Variants in NAALADL2 observed in about 807,000 individuals in gnomAD.
NAALADL2 encodes inactive N-acetylated-alpha-linked acidic dipeptidase-like protein 2.
Under a neutral mutation model 87.2 loss-of-function variants are expected in NAALADL2, and 76 were observed. The observed-to-expected ratio is 0.87, with a 90% CI of 0.72 to 1.05. NAALADL2 has a LOEUF of 1.05. Ranked by LOEUF, NAALADL2 falls within the 50% of genes least tolerant of loss-of-function variation. The pLI, the probability that NAALADL2 is intolerant of heterozygous loss-of-function variation, is 0.00. For missense variants in NAALADL2, 1,089 were observed against 945.8 expected (o/e 1.15, Z -1.99); for synonymous variants, 354 against 331.0 (o/e 1.07, Z -0.75).
chr3:175,478,101 T>C lies in NAALADL2; in HGVS notation c.1653+6343T>C, dbSNP rs185531338. On this transcript the variant is annotated intron_variant, in intron 9 of 13. Transcript: ENST00000454872. ...AACTTGTCTTTCATGACACATGACA[T>C]AGATTTTTTTGGGTTTTGTTTATAT... Among the ~76,000 whole-genome samples the C allele has an allele frequency of 4.5e-3, 684 of 152,146 alleles. 6 individuals carry two copies. Among genetic ancestry groups the C allele is most frequent in the African/African-American group, 0.016 (665 of 41,566 alleles).
chr3:174,579,037 T>TA (rs1289307765), intron 2 of NAALADL2, among the ~76,000 whole-genome samples: 3 of 151,888 alleles, frequency 2.0e-5, no homozygotes, highest in Non-Finnish European at 2.9e-5. Flanking sequence ...GAAATAAGAA[T>TA]AAAAATCACA....
chr3:175,319,513 G>A (rs114969650), intron 4 of NAALADL2, among the ~76,000 whole-genome samples: 1,537 of 152,078 alleles, frequency 0.01, 27 homozygotes, highest in African/African-American at 0.035. Context: ...TTTTCTCAGG[G>A]CTCTCCTTTC....
intron 5 of NAALADL2, among the ~76,000 whole-genome samples, chr3:175,362,722 G>A (rs1384797314): frequency 1.4e-5 from 2 of 148,046 alleles, no homozygotes; most frequent in Non-Finnish European, 3.0e-5. Context: ...TGGATCAAAT[G>A]ATAGTTCTCC....
chr3:174,487,445 C>T (rs1332821827), intron 1 of NAALADL2, among the ~76,000 whole-genome samples: 1 of 151,960 alleles, frequency 6.6e-6, no homozygotes, highest in Non-Finnish European at 1.5e-5. Context: ...TCTAATAGAG[C>T]ATGAAGTCTA....
intron 9 of NAALADL2, among the ~76,000 whole-genome samples, chr3:175,513,894 G>T (rs921122594): frequency 6.6e-6 from 1 of 152,238 alleles, no homozygotes; most frequent in Non-Finnish European, 1.5e-5. Context: ...GCAGACATCT[G>T]CCTTTCCAAA....
intron 2 of NAALADL2, among the ~76,000 whole-genome samples, chr3:174,709,936 C>T (rs1730458471): frequency 6.6e-6 from 1 of 152,058 alleles, no homozygotes; most frequent in Non-Finnish European, 1.5e-5. Context: ...TGTGTGTGTC[C>T]TTTCATTCAA....
chr3:175,107,026 G>T (rs1474827910), intron 2 of NAALADL2, among the ~76,000 whole-genome samples: 1 of 152,000 alleles, frequency 6.6e-6, no homozygotes, highest in Non-Finnish European at 1.5e-5. Flanking sequence ...AAAAACAGGT[G>T]ATGAACACCC....
At chr3:174,967,636 C>T (rs891020279) in intron 1 of NAALADL2, among the ~76,000 whole-genome samples, 1 of 152,176 alleles carries the variant, frequency 6.6e-6, no homozygotes, top group African/African-American at 2.4e-5. Flanking sequence ...ACCAAGGTTA[C>T]TTTCCTTAAG....
At chr3:174,624,735 G>A (rs1253162973) in intron 2 of NAALADL2, among the ~76,000 whole-genome samples, 4 of 152,018 alleles carry the variant, frequency 2.6e-5, no homozygotes, top group Non-Finnish European at 5.9e-5. Context: ...GCTCTAAAAG[G>A]TAGGATTACC....
At chr3:174,463,022 G>T (rs1259949492) in intron 1 of NAALADL2, among the ~76,000 whole-genome samples, 2 of 152,190 alleles carry the variant, frequency 1.3e-5, no homozygotes, top group Non-Finnish European at 2.9e-5. Context: ...AAAAGTAATT[G>T]CATAGCCTCT....
intron 3 of NAALADL2, among the ~76,000 whole-genome samples, chr3:174,766,111 T>C (rs1449697820): frequency 2.0e-5 from 3 of 152,246 alleles, no homozygotes; most frequent in African/African-American, 7.2e-5. Flanking sequence ...AAGAGACTTC[T>C]GCTTTCTCTG....
At chr3:175,500,616 T>C (rs949086884) in intron 9 of NAALADL2, among the ~76,000 whole-genome samples, 2 of 152,086 alleles carry the variant, frequency 1.3e-5, no homozygotes, top group African/African-American at 4.8e-5. Flanking sequence ...TTTCCATAAC[T>C]AACAATTATC....
intron 2 of NAALADL2, among the ~76,000 whole-genome samples, chr3:174,575,507 T>C (rs925134735): frequency 1.3e-5 from 2 of 152,202 alleles, no homozygotes; most frequent in Admixed American, 1.3e-4. Flanking sequence ...ATTATAAATA[T>C]GTTATTCCTT....
At chr3:175,317,574 A>G (rs2110360948) in intron 4 of NAALADL2, among the ~76,000 whole-genome samples, 1 of 152,086 alleles carries the variant, frequency 6.6e-6, no homozygotes, top group South Asian at 2.1e-4. Context: ...ACTTCTCTCC[A>G]TATCCCAATT....
At chr3:175,234,327 G>A in intron 3 of NAALADL2, 123 bp downstream of exon 3, 2 of 1,051,592 alleles carry the variant, frequency 1.9e-6, no homozygotes, top group Non-Finnish European at 2.7e-6. Flanking sequence ...TCTTTTCAGT[G>A]TGGAAGTGCC....
chr3:174,660,070 G>A (rs1578456681), intron 2 of NAALADL2, among the ~76,000 whole-genome samples: 1 of 152,250 alleles, frequency 6.6e-6, no homozygotes, highest in Admixed American at 6.5e-5. Flanking sequence ...ATAGAAGAAT[G>A]TGTGCTGTAC....
At chr3:174,647,616 C>T (rs960375768) in intron 2 of NAALADL2, among the ~76,000 whole-genome samples, 1 of 152,106 alleles carries the variant, frequency 6.6e-6, no homozygotes, top group African/African-American at 2.4e-5. Context: ...AGAGCCAGTG[C>T]CATGGCCAAT....
At chr3:175,090,935 T>C (rs551254945) in intron 1 of NAALADL2, among the ~76,000 whole-genome samples, 31 of 150,966 alleles carry the variant, frequency 2.1e-4, no homozygotes, top group Non-Finnish European at 4.0e-4. Flanking sequence ...ACAGATACTA[T>C]AGCAGTTGCC....
At chr3:175,630,049 G>T (rs557658324) in intron 11 of NAALADL2, among the ~76,000 whole-genome samples, 73 of 151,788 alleles carry the variant, frequency 4.8e-4, no homozygotes, top group Non-Finnish European at 7.5e-4. Context: ...GATGACATAT[G>T]ACTTACCCAA....
Sources: gnomAD v4.1 joint callset for allele counts (sites outside exome capture counted in the v4.1 genomes callset) on GRCh38, gnomAD v4.1.1 for gene constraint, MANE v1.5 for transcripts, NCBI Gene and HGNC (gene_info 2026-07-23, HGNC 2026-07-21) for gene names.